FBXO47: variants seen among roughly 807,000 people sequenced by gnomAD.
FBXO47 encodes the protein F-box protein 47, also known as F-box only protein 47.
A neutral mutation model predicts 53.9 loss-of-function variants in FBXO47; 34 were observed. The observed-to-expected ratio is 0.63, with a 90% confidence interval of 0.48 to 0.84. The LOEUF (loss-of-function observed/expected upper bound fraction) is 0.84. FBXO47 is among the 40% of genes least tolerant of loss of function. FBXO47 has a pLI of 0.00. For synonymous variants in FBXO47, 165 were observed against 181.6 expected (o/e 0.91, Z 0.73); for missense variants, 485 against 541.3 (o/e 0.90, Z 1.03).
intron 3 of FBXO47, among the ~76,000 whole-genome samples, chr17:38,958,619 T>A (rs1905672560): frequency 6.6e-6 from 1 of 152,184 alleles, no homozygotes; most frequent in East Asian, 1.9e-4. Context: ...AGGGCAAATG[T>A]CCTCAAACTA....
In FBXO47 at chr17:38,949,418, TCAAAACAAAACAAAA is replaced by T. The variant is rs112640612; in HGVS notation, c.616+2148_616+2162del. Reference sequence around the variant, plus strand: ...CTGGGTGATAGAGCCAGACCCTGTCTCAAAACAAAACAAAACAAAACAAAACAAAACAACAATAAC... The same window carrying T: ...CTGGGTGATAGAGCCAGACCCTGTCTCAAAACAAAACAAAACAACAATAAC... On this transcript the variant is annotated intron_variant, in intron 6 of 10. Transcript: ENST00000378079. Among the ~76,000 whole-genome samples the T allele has an allele frequency of 2.1e-3, 312 of 151,438 alleles. 1 individual carries two copies. Among genetic ancestry groups the T allele is most frequent in the African/African-American group, 7.3e-3 (299 of 41,018 alleles).
intron 1 of FBXO47, among the ~76,000 whole-genome samples, chr17:38,966,329 G>C (rs984695731): frequency 6.6e-6 from 1 of 152,092 alleles, no homozygotes; most frequent in Non-Finnish European, 1.5e-5. Flanking sequence ...AGCCTCCCTA[G>C]TAGCTGGGAT....
At chr17:38,960,441 A>T (rs554703132) in intron 3 of FBXO47, among the ~76,000 whole-genome samples, 9 of 152,182 alleles carry the variant, frequency 5.9e-5, no homozygotes, top group South Asian at 2.1e-4. Context: ...AGCAATTAAG[A>T]TCAATACATA....
At chr17:38,955,593 C>T (rs1207403126) in intron 4 of FBXO47, among the ~76,000 whole-genome samples, 1 of 151,564 alleles carries the variant, frequency 6.6e-6, no homozygotes, top group Non-Finnish European at 1.5e-5. Context: ...ACAGACACCA[C>T]CAGGCCTGGC....
intron 6 of FBXO47, among the ~76,000 whole-genome samples, chr17:38,948,207 A>ATTTTGTT (rs1905034603): frequency 1.1e-5 from 1 of 89,296 alleles, no homozygotes. Context: ...CCTATTCTGG[A>ATTTTGTT]TTTTTTTTTT....
At position 38,951,613 on chromosome 17, in the gene FBXO47, C is replaced by A. The variant is rs543238078; in HGVS notation, c.584G>T (p.Arg195Leu). 6 of 1,613,682 alleles carry A rather than the reference C, an allele frequency of 3.7e-6. No individual in the cohort carries two copies. In the South Asian group the frequency reaches 5.5e-5, roughly 15 times the overall value. ...GCTGCAGACAGCCATTTGTATCTTG[C>A]GGCAGAGATTAGTCAGTTCGCATAA... The part of the protein sequence containing the change: ...NFLCELTNLC[R>L]KIQMAVCSKP... The change falls in exon 6 of 11, where the codon CGC becomes CTC. Residue 195 changes from arginine to leucine, a missense_variant. By Grantham distance (102) the Arg-to-Leu change is moderately radical (BLOSUM62 -2). Transcript: ENST00000378079.
Position 38,942,772 on chromosome 17 carries a change from A to G in FBXO47, c.1083+6T>C. The G allele has an allele frequency of 1.9e-6, 3 of 1,600,340 alleles. No individual in the cohort carries two copies. Among genetic ancestry groups the G allele is most frequent in the Non-Finnish European group, 2.6e-6 (3 of 1,176,332 alleles). ...ACTTGCTAGAGAAAAACTTATTTTT[A>G]CTTACCAAAGCCAAAAAGACTACGA... On this transcript the variant is annotated splice_donor_region_variant and intron_variant, in intron 9 of 10. Coordinates refer to ENST00000378079, the MANE Select transcript of FBXO47 (RefSeq NM_001008777.3).
chr17:38,944,848 A>ATGTGTGTGTGTG lies in FBXO47; in HGVS notation c.793+100_793+111dup, dbSNP rs71300085. On this transcript the variant is annotated intron_variant, in intron 7 of 10. Transcript: ENST00000378079. ...ATCGCACCACTGTGTGCGTGCATGCATGTGTGTGTGTGTGTGTGTGTGTAT... is the reference window on the plus strand; with the variant it reads ...ATCGCACCACTGTGTGCGTGCATGCATGTGTGTGTGTGTGTGTGTGTGTGTGTGTGTGTGTAT... 6.5e-3 allele frequency: 3,995 copies of ATGTGTGTGTGTG among 616,622 alleles called. 58 individuals carry two copies. Among genetic ancestry groups the ATGTGTGTGTGTG allele is most frequent in the East Asian group, 0.054 (1,590 of 29,210 alleles). The allele number at this position is 616,622 out of a possible 1,614,324, so 38.2% of individuals were successfully genotyped here.
chr17:38,938,019 C>T (rs1476952160), intron 10 of FBXO47, among the ~76,000 whole-genome samples: 2 of 152,106 alleles, frequency 1.3e-5, no homozygotes, highest in Non-Finnish European at 2.9e-5. Flanking sequence ...TTTACTAAGT[C>T]AAGTTAACTA....
Position 38,962,887 on chromosome 17 carries a change from A to G in FBXO47, c.139T>C (p.Leu47=). The G allele has an allele frequency of 6.2e-7, 1 of 1,613,224 alleles. No individual in the cohort carries two copies. Among genetic ancestry groups the G allele is most frequent in the Non-Finnish European group, 8.5e-7 (1 of 1,179,524 alleles). The change falls in exon 2 of 11, where the codon TTA becomes CTA. Residue 47 remains leucine, a synonymous_variant. Transcript: ENST00000378079. The part of the protein sequence containing the change: ...PISTFGNFKA[L]PLEIFQIILK... ...ATTATCTGGAATATTTCCAATGGTA[A>G]GGCTTTAAAATTTCCAAATGTTGAT...
intron 3 of FBXO47, among the ~76,000 whole-genome samples, 200 bp from the exon 4 acceptor site, chr17:38,957,453 C>T (rs1421804746): frequency 6.6e-6 from 1 of 152,142 alleles, no homozygotes; most frequent in Non-Finnish European, 1.5e-5. Context: ...CTCTGATGCT[C>T]ATCTAAGAGG....
At chr17:38,951,501 C>T (rs1598144456) in intron 6 of FBXO47, 80 bp downstream of exon 6, 1 of 1,146,050 alleles carries the variant, frequency 8.7e-7, no homozygotes, top group East Asian at 2.7e-5. Flanking sequence ...GCCCAAATTA[C>T]TTTTAATTAC....
intron 4 of FBXO47, 75 bp from the exon 5 acceptor site, chr17:38,955,008 A>C (rs1905477195): frequency 8.8e-7 from 1 of 1,132,788 alleles, no homozygotes; most frequent in East Asian, 2.4e-5. Flanking sequence ...ATGGTTTGAC[A>C]TTCAAATTTA....
intron 6 of FBXO47, among the ~76,000 whole-genome samples, chr17:38,945,630 C>T (rs188443367): frequency 6.6e-6 from 1 of 151,990 alleles, no homozygotes; most frequent in Non-Finnish European, 1.5e-5. Context: ...GAAACCCTGT[C>T]TCTACTAAAA....
chr17:38,961,181 T>C (rs1905798606), intron 3 of FBXO47, among the ~76,000 whole-genome samples: 1 of 152,220 alleles, frequency 6.6e-6, no homozygotes, highest in Non-Finnish European at 1.5e-5. Context: ...TCACTTAACT[T>C]ACTGTTATGC....
In FBXO47 at chr17:38,936,861, T is replaced by C. The variant is rs539543102; in HGVS notation, c.*314A>G. On this transcript the variant is annotated 3_prime_UTR_variant, in exon 11 of 11. Transcript: ENST00000378079. ...ATGGAATTTTCTCTTGCTTCAAAAATGCATACATACAGGTTGGCTGGTCCC... is the reference window on the plus strand; with the variant it reads ...ATGGAATTTTCTCTTGCTTCAAAAACGCATACATACAGGTTGGCTGGTCCC... 2 of 204,280 alleles carry C rather than the reference T, an allele frequency of 9.8e-6. No homozygotes were observed. The highest frequency in any genetic ancestry group is 4.6e-5 in the African/African-American group (2 of 43,508). 12.7% of individuals were successfully genotyped at this position (204,280 alleles called of 1,614,324 possible).
At chr17:38,945,948 A>AAAAAAAAT (rs1184511532) in intron 6 of FBXO47, among the ~76,000 whole-genome samples, 5 of 117,158 alleles carry the variant, frequency 4.3e-5, no homozygotes, top group African/African-American at 1.8e-4. Flanking sequence ...AAAAAAAAAA[A>AAAAAAAAT]ATATATATAT....
intron 6 of FBXO47, among the ~76,000 whole-genome samples, chr17:38,950,868 C>T (rs974067324): frequency 3.3e-5 from 5 of 151,860 alleles, no homozygotes; most frequent in African/African-American, 7.3e-5. Context: ...CCTTACATTT[C>T]TTTGTCCTTT....
chr17:38,954,792 G>T, intron 5 of FBXO47, 64 bp downstream of exon 5: 1 of 879,702 alleles, frequency 1.1e-6, no homozygotes, highest in Non-Finnish European at 1.8e-6. Flanking sequence ...AAGAGAGATT[G>T]GATATTCTAT....
Sources: gnomAD v4.1 joint callset for allele counts (sites outside exome capture counted in the v4.1 genomes callset) on GRCh38, gnomAD v4.1.1 for gene constraint, MANE v1.5 for transcripts, NCBI Gene and HGNC (gene_info 2026-07-23, HGNC 2026-07-21) for gene names.